The following PUDP variants were observed in gnomAD, a reference collection of about 807,000 sequenced individuals.
The protein encoded by PUDP is pseudouridine-5'-phosphatase.
A neutral mutation model predicts 9.4 loss-of-function variants in PUDP; 8 were observed. That is an observed-to-expected ratio of 0.85 (90% CI 0.50 to 1.53). The LOEUF is 1.53. PUDP is among the 40% of genes most tolerant of loss of function. The pLI, the probability that PUDP is intolerant of heterozygous loss-of-function variation, is 0.00. For missense variants in PUDP, 188 were observed against 189.7 expected (o/e 0.99, Z 0.05); for synonymous variants, 99 against 80.7 (o/e 1.23, Z -1.22).
chrX:6,890,123 T>C (rs1260811283), intron 3 of PUDP, among the ~76,000 whole-genome samples: 2 of 111,887 alleles, frequency 1.8e-5, no homozygotes, highest in Non-Finnish European at 3.8e-5. Flanking sequence ...GGTTTCCACA[T>C]GCCAGATTCC....
At chrX:6,773,046 T>C (rs961788193) in intron 3 of PUDP, among the ~76,000 whole-genome samples, 4 of 112,286 alleles carry the variant, frequency 3.6e-5, no homozygotes, top group Non-Finnish European at 5.6e-5. Flanking sequence ...GAAAATCACA[T>C]CTTAAAGTTT....
rs184039907 is a variant in PUDP at position 6,959,709 on chromosome X, G to A, written c.*247+17424C>T. 1.2e-4 allele frequency among the ~76,000 whole-genome samples: 13 copies of A among 112,068 alleles called. No individual in the cohort carries two copies. In the East Asian group the frequency reaches 2.3e-3, roughly 20 times the overall value. ...AATGCCAGCCCAGTAAGCCACAGGC[G>A]CCTGACCCCAACTCATCAGAGAAAC... On this transcript the variant is annotated intron_variant and NMD_transcript_variant, in intron 3 of 3. Coordinates refer to the PUDP transcript ENST00000655425.
intron 3 of PUDP, among the ~76,000 whole-genome samples, chrX:6,826,546 T>C (rs1380842486): frequency 2.7e-5 from 3 of 111,821 alleles, no homozygotes; most frequent in Non-Finnish European, 5.6e-5. Flanking sequence ...TGAAAATATA[T>C]AGTAGCACAA....
chrX:6,787,980 T>C (rs1196950396), intron 3 of PUDP, among the ~76,000 whole-genome samples: 1 of 112,262 alleles, frequency 8.9e-6, no homozygotes, highest in Non-Finnish European at 1.9e-5. Context: ...TTTATGTTCT[T>C]CTATTTCATA....
intron 3 of PUDP, among the ~76,000 whole-genome samples, chrX:6,748,099 TACAG>T (rs1189746049): frequency 8.9e-6 from 1 of 111,888 alleles, no homozygotes; most frequent in Non-Finnish European, 1.9e-5. Context: ...AGTAATAGGA[TACAG>T]ACATACATAA....
intron 1 of PUDP, among the ~76,000 whole-genome samples, chrX:7,141,390 C>G (rs1455669219): frequency 8.8e-6 from 1 of 113,024 alleles, no homozygotes; most frequent in Non-Finnish European, 1.9e-5. Context: ...AAGACCAAAC[C>G]AGCACAACAT....
chrX:6,708,595 C>T (rs1924496313), intron 1 of PUDP, among the ~76,000 whole-genome samples: 1 of 112,208 alleles, frequency 8.9e-6, no homozygotes, highest in African/African-American at 3.2e-5. Flanking sequence ...AAATGTAACT[C>T]CTTCTCCTGG....
intron 1 of PUDP, among the ~76,000 whole-genome samples, chrX:7,012,476 C>T (rs1481421293): frequency 3.6e-5 from 4 of 111,724 alleles, no homozygotes; most frequent in Admixed American, 9.5e-5. Flanking sequence ...GAGTCACTGC[C>T]GCACGCTCAG....
chrX:6,759,042 T>C (rs1465544060), intron 3 of PUDP, among the ~76,000 whole-genome samples: 1 of 112,007 alleles, frequency 8.9e-6, no homozygotes, highest in African/African-American at 3.2e-5. Flanking sequence ...ACAGATCCTA[T>C]GAAATGACAG....
intron 1 of PUDP, among the ~76,000 whole-genome samples, chrX:7,031,222 T>G (rs1929788729): frequency 9.0e-6 from 1 of 111,703 alleles, no homozygotes; most frequent in Admixed American, 9.5e-5. Flanking sequence ...TCCTGTGACT[T>G]AGAATGCCTT....
intron 1 of PUDP, among the ~76,000 whole-genome samples, chrX:7,006,389 G>C (rs998609410): frequency 3.0e-4 from 34 of 111,890 alleles, no homozygotes; most frequent in African/African-American, 1.1e-3. Flanking sequence ...ATTTAAATTG[G>C]CATAAGGTAT....
chrX:6,806,096 G>C (rs1436859460), intron 3 of PUDP, among the ~76,000 whole-genome samples: 1 of 111,240 alleles, frequency 9.0e-6, no homozygotes, highest in Non-Finnish European at 1.9e-5. Context: ...AGATAGGACA[G>C]AGAGACGTCT....
At chrX:7,144,281 T>C (rs1218278086) in intron 1 of PUDP, among the ~76,000 whole-genome samples, 1 of 112,220 alleles carries the variant, frequency 8.9e-6, no homozygotes, top group Non-Finnish European at 1.9e-5. Context: ...ACGTATTTCA[T>C]GGGGTCAAAT....
chrX:6,775,000 A>G (rs910098483), intron 3 of PUDP, among the ~76,000 whole-genome samples: 12 of 112,212 alleles, frequency 1.1e-4, no homozygotes, highest in African/African-American at 3.9e-4. Flanking sequence ...ACTGTTTTAG[A>G]GTGTACAATT....
intron 3 of PUDP, among the ~76,000 whole-genome samples, chrX:6,728,351 AACACACACACACATACATGCAC>A (rs982610693): frequency 3.6e-5 from 4 of 110,856 alleles, no homozygotes; most frequent in African/African-American, 1.3e-4. Context: ...AGAGAAACAT[AACACACACACACATACATGCAC>A]ACACACACAC....
intron 3 of PUDP, among the ~76,000 whole-genome samples, chrX:6,962,002 G>T (rs1481387973): frequency 8.9e-6 from 1 of 112,002 alleles, no homozygotes; most frequent in Non-Finnish European, 1.9e-5. Context: ...ACATTTTAAG[G>T]GTACTCTACA....
chrX:6,751,690 C>T (rs775126602), intron 3 of PUDP, among the ~76,000 whole-genome samples: 37 of 111,505 alleles, frequency 3.3e-4, no homozygotes, highest in African/African-American at 1.1e-3. Flanking sequence ...AACTCATTAT[C>T]GGCCACGCTT....
At chrX:6,788,653 C>A (rs1925687202) in intron 3 of PUDP, among the ~76,000 whole-genome samples, 1 of 111,482 alleles carries the variant, frequency 9.0e-6, no homozygotes, top group South Asian at 3.7e-4. Context: ...TGCAGTGAGC[C>A]GAGATCGTGC....
intron 3 of PUDP, among the ~76,000 whole-genome samples, chrX:6,879,759 G>A (rs977173471): frequency 1.8e-5 from 2 of 111,537 alleles, no homozygotes; most frequent in Non-Finnish European, 3.8e-5. Context: ...CAGAAAAGCT[G>A]CCCCGGGTAG....
Sources: allele counts gnomAD v4.1 joint callset (sites outside exome capture counted in the v4.1 genomes callset), GRCh38; gene constraint gnomAD v4.1.1; transcripts MANE v1.5; gene names NCBI Gene and HGNC (gene_info 2026-07-23, HGNC 2026-07-21).